The following DAB1 variants were observed in gnomAD, a reference collection of about 807,000 sequenced individuals.
DAB1 encodes DAB adaptor protein 1.
Under a neutral mutation model 64.6 loss-of-function variants are expected in DAB1, and 15 were observed. The observed-to-expected ratio is 0.23, with a 90% CI of 0.16 to 0.36. DAB1 has a LOEUF of 0.36. DAB1 is among the 10% of genes least tolerant of loss of function. DAB1 has a pLI of 1.00. For missense variants in DAB1, 596 were observed against 706.7 expected, an observed-to-expected ratio of 0.84 and a Z score of 1.78; for synonymous variants, 235 against 251.9, an observed-to-expected ratio of 0.93 and a Z score of 0.64.
intron 6 of DAB1, among the ~76,000 whole-genome samples, chr1:57,744,752 G>A (rs1471606436): frequency 6.6e-6 from 1 of 152,182 alleles, no homozygotes; most frequent in African/African-American, 2.4e-5. Flanking sequence ...ACTGGCAGGT[G>A]TGAGGCGTGT....
intron 7 of DAB1, among the ~76,000 whole-genome samples, chr1:57,561,356 TG>T (rs1295996563): frequency 6.6e-6 from 1 of 152,166 alleles, no homozygotes; most frequent in Non-Finnish European, 1.5e-5. Context: ...GCAGTGCACC[TG>T]GTTGTGCACT....
intron 7 of DAB1, among the ~76,000 whole-genome samples, chr1:57,528,068 T>C (rs1044618404): frequency 2.1e-4 from 32 of 152,120 alleles, no homozygotes; most frequent in African/African-American, 7.5e-4. Context: ...GACAAAAAAA[T>C]GAGAATTCAC....
intron 2 of DAB1, among the ~76,000 whole-genome samples, chr1:57,159,710 T>A (rs1660556573): frequency 6.6e-6 from 1 of 152,074 alleles, no homozygotes; most frequent in South Asian, 2.1e-4. Flanking sequence ...AGTTTAAATT[T>A]CAGTCACAGG....
At position 58,107,093 on chromosome 1, in the gene DAB1, C is replaced by A. The variant is rs190326524; in HGVS notation, n.387+43418G>T. The stretch of plus-strand genomic sequence containing the variant: ...GAGCTTAATAGCTAGTAAAAAAAAA[C>A]CCAGAAAAATAGCCAGATAATTTCA... On this transcript the variant is annotated intron_variant and non_coding_transcript_variant, in intron 5 of 20. Transcript: ENST00000485760. Among the ~76,000 whole-genome samples the A allele has an allele frequency of 6.3e-3, 946 of 150,278 alleles. 8 individuals carry two copies. Among genetic ancestry groups the A allele is most frequent in the African/African-American group, 0.022 (903 of 40,466 alleles).
intron 5 of DAB1, among the ~76,000 whole-genome samples, chr1:58,146,112 C>T: frequency 6.6e-6 from 1 of 152,112 alleles, no homozygotes; most frequent in East Asian, 1.9e-4. Context: ...ATCCATATAA[C>T]ATACTAAATT....
chr1:58,334,533 G>T (rs1273477568), intron 4 of DAB1, among the ~76,000 whole-genome samples: 1 of 151,040 alleles, frequency 6.6e-6, no homozygotes, highest in Non-Finnish European at 1.5e-5. Context: ...GGTTAAGGAG[G>T]TGATGATTTG....
chr1:57,929,561 G>A (rs1015303854), intron 5 of DAB1, among the ~76,000 whole-genome samples: 4 of 152,136 alleles, frequency 2.6e-5, no homozygotes, highest in Admixed American at 6.5e-5. Flanking sequence ...TTCTAGGAGT[G>A]TATTGGTCTG....
intron 1 of DAB1, among the ~76,000 whole-genome samples, chr1:57,833,777 A>G (rs760971287): frequency 6.6e-6 from 1 of 152,214 alleles, no homozygotes; most frequent in African/African-American, 2.4e-5. Context: ...TTTGGCATGG[A>G]TGACAAAAAG....
intron 7 of DAB1, among the ~76,000 whole-genome samples, chr1:57,498,877 T>A (rs1349551619): frequency 6.6e-6 from 1 of 152,204 alleles, no homozygotes; most frequent in African/African-American, 2.4e-5. Context: ...TTTCAAAGGC[T>A]ATGTGAACGA....
intron 6 of DAB1, among the ~76,000 whole-genome samples, chr1:57,658,994 C>A (rs1433170037): frequency 2.0e-5 from 3 of 152,138 alleles, no homozygotes; most frequent in Non-Finnish European, 2.9e-5. Context: ...TCCCTGGGAA[C>A]CCCAGTCCCA....
At chr1:57,066,669 C>G (rs1570627550) in intron 8 of DAB1, among the ~76,000 whole-genome samples, 1 of 152,170 alleles carries the variant, frequency 6.6e-6, no homozygotes, top group East Asian at 1.9e-4. Flanking sequence ...GATCATAAGA[C>G]ATCTTCAACA....
chr1:58,364,162 T>C (rs1644194083), intron 3 of DAB1, among the ~76,000 whole-genome samples: 1 of 152,216 alleles, frequency 6.6e-6, no homozygotes, highest in African/African-American at 2.4e-5. Context: ...TGCTGTGTCA[T>C]GCTGGAACTG....
chr1:57,746,385 T>C (rs1648269129), intron 6 of DAB1, among the ~76,000 whole-genome samples: 1 of 152,190 alleles, frequency 6.6e-6, no homozygotes, highest in Non-Finnish European at 1.5e-5. Context: ...TTGTCACACC[T>C]TTAAATACTC....
intron 2 of DAB1, among the ~76,000 whole-genome samples, chr1:57,227,551 G>A (rs548219791): frequency 1.3e-5 from 2 of 148,858 alleles, no homozygotes; most frequent in African/African-American, 5.1e-5. Flanking sequence ...GTGTGTGTGT[G>A]TGTGTGTGTG....
chr1:57,437,840 A>G (rs1159097047), intron 7 of DAB1, among the ~76,000 whole-genome samples: 3 of 152,220 alleles, frequency 2.0e-5, no homozygotes, highest in Admixed American at 1.3e-4. Context: ...ACAATCAAGG[A>G]GTTCCTAACC....
Position 58,418,301 on chromosome 1 carries a change from T to A in DAB1, n.258-74898A>T, listed in dbSNP as rs757233753. Among the ~76,000 whole-genome samples the A allele has an allele frequency of 6.5e-4, 99 of 152,282 alleles. 2 individuals are homozygous for A. In the Middle Eastern group the frequency reaches 0.02, roughly 31 times the overall value. On this transcript the variant is annotated intron_variant and non_coding_transcript_variant, in intron 3 of 20. Coordinates refer to the DAB1 transcript ENST00000485760. ...CAAGAGAATTTAATTCCCTGCATGA[T>A]CTCTCTTGTTAAAATAGGAGAAAAA...
chr1:58,300,863 G>A (rs4912323), intron 4 of DAB1, among the ~76,000 whole-genome samples: 88,109 of 151,834 alleles, frequency 0.58, 29,095 homozygotes, highest in Middle Eastern at 0.74. Context: ...CTTAAATCCC[G>A]CCCACATGCA....
intron 5 of DAB1, among the ~76,000 whole-genome samples, chr1:57,950,103 A>C (rs1390696635): frequency 1.3e-5 from 2 of 152,188 alleles, no homozygotes; most frequent in Admixed American, 6.5e-5. Context: ...TATTTCAATA[A>C]GGAAAGCAAA....
chr1:58,320,429 T>G (rs1244528848), intron 4 of DAB1, among the ~76,000 whole-genome samples: 1 of 152,194 alleles, frequency 6.6e-6, no homozygotes, highest in Non-Finnish European at 1.5e-5. Context: ...CAACTACTCT[T>G]TGAGGCAGGC....
Sources: allele counts gnomAD v4.1 joint callset (sites outside exome capture counted in the v4.1 genomes callset), GRCh38; gene constraint gnomAD v4.1.1; transcripts MANE v1.5; gene names NCBI Gene and HGNC (gene_info 2026-07-23, HGNC 2026-07-21).